TRPC5: variants seen among roughly 807,000 people sequenced by gnomAD.
The protein encoded by TRPC5 is transient receptor potential cation channel subfamily C member 5.
Under a neutral mutation model 56.5 loss-of-function variants are expected in TRPC5, and 9 were observed. That is an observed-to-expected ratio of 0.16 (90% confidence interval 0.10 to 0.28). TRPC5 has a LOEUF of 0.28. TRPC5 is among the 10% of genes least tolerant of loss of function. TRPC5 has a pLI of 1.00. For synonymous variants in TRPC5, 282 were observed against 278.5 expected (o/e 1.01, Z -0.13); for missense variants, 469 against 748.9 (o/e 0.63, Z 4.36).
chrX:111,860,130 A>C (rs577782593), intron 3 of TRPC5, among the ~76,000 whole-genome samples: 46 of 112,214 alleles, frequency 4.1e-4, no homozygotes, highest in African/African-American at 1.2e-3. Context: ...GGATGGTCTG[A>C]ATCTCCTGAC....
At chrX:111,839,452 A>G (rs1299388081) in intron 6 of TRPC5, among the ~76,000 whole-genome samples, 1 of 111,978 alleles carries the variant, frequency 8.9e-6, no homozygotes, top group African/African-American at 3.2e-5. Context: ...TTCAACTTCA[A>G]GTTTTCCTCA....
chrX:111,897,432 C>G (rs1347660728), intron 3 of TRPC5, among the ~76,000 whole-genome samples: 1 of 110,796 alleles, frequency 9.0e-6, no homozygotes, highest in East Asian at 2.8e-4. Flanking sequence ...CTTTAGAGTA[C>G]CATTCAATGA....
chrX:111,789,994 A>G (rs189231727), intron 7 of TRPC5, among the ~76,000 whole-genome samples: 1 of 112,259 alleles, frequency 8.9e-6, no homozygotes, highest in African/African-American at 3.2e-5. Flanking sequence ...TGTGGAAGAC[A>G]GTGTGGCAAT....
intron 1 of TRPC5, among the ~76,000 whole-genome samples, chrX:111,991,070 T>G (rs919841172): frequency 8.9e-6 from 1 of 111,772 alleles, no homozygotes; most frequent in Admixed American, 9.5e-5. Context: ...CTCCCACCAG[T>G]TGTCTGTCTC....
intron 1 of TRPC5, among the ~76,000 whole-genome samples, chrX:112,043,998 T>C (rs1929962767): frequency 8.9e-6 from 1 of 111,848 alleles, no homozygotes; most frequent in Non-Finnish European, 1.9e-5. Flanking sequence ...AAATAACAGA[T>C]TTTTATTTTC....
intron 1 of TRPC5, among the ~76,000 whole-genome samples, chrX:112,016,223 A>T (rs1354884190): frequency 9.0e-6 from 1 of 111,366 alleles, no homozygotes; most frequent in African/African-American, 3.3e-5. Flanking sequence ...AATGACCGGC[A>T]AGGCGGCTCC....
chrX:112,038,305 C>T (rs185618033), intron 1 of TRPC5, among the ~76,000 whole-genome samples: 35 of 112,308 alleles, frequency 3.1e-4, no homozygotes, highest in Admixed American at 1.8e-3. Flanking sequence ...TTCGTTGCCT[C>T]CTTAGGCAGA....
intron 1 of TRPC5, among the ~76,000 whole-genome samples, chrX:111,969,829 T>C (rs1346566950): frequency 9.0e-6 from 1 of 110,851 alleles, no homozygotes; most frequent in Non-Finnish European, 1.9e-5. Flanking sequence ...TGTGACTTGA[T>C]CTTATAGGCA....
intron 1 of TRPC5, among the ~76,000 whole-genome samples, chrX:112,032,868 T>G (rs1929622499): frequency 9.0e-6 from 1 of 111,728 alleles, no homozygotes; most frequent in South Asian, 3.8e-4. Context: ...CTCTAATGAC[T>G]AATGATGATA....
At chrX:112,036,120 C>T (rs1284678678) in intron 1 of TRPC5, among the ~76,000 whole-genome samples, 1 of 111,048 alleles carries the variant, frequency 9.0e-6, no homozygotes, top group Non-Finnish European at 1.9e-5. Flanking sequence ...CTTTTCTGAA[C>T]ATGTGTCCTA....
At chrX:111,820,586 A>G (rs1181823781) in intron 7 of TRPC5, among the ~76,000 whole-genome samples, 2 of 112,155 alleles carry the variant, frequency 1.8e-5, no homozygotes, top group African/African-American at 6.5e-5. Context: ...TCATTTATGT[A>G]CTGCCTATGA....
At chrX:111,936,094 A>G (rs1391050547) in intron 2 of TRPC5, among the ~76,000 whole-genome samples, 1 of 112,020 alleles carries the variant, frequency 8.9e-6, no homozygotes, top group African/African-American at 3.2e-5. Flanking sequence ...ATGAACATGG[A>G]GTATATTTCC....
intron 1 of TRPC5, among the ~76,000 whole-genome samples, chrX:111,979,613 A>G (rs1928024101): frequency 1.8e-5 from 2 of 111,506 alleles, no homozygotes; most frequent in South Asian, 7.4e-4. Context: ...GACTCTTAAA[A>G]CACCCCAAAA....
At chrX:112,043,310 G>A (rs192163862) in intron 1 of TRPC5, among the ~76,000 whole-genome samples, 1 of 111,664 alleles carries the variant, frequency 9.0e-6, no homozygotes, top group Admixed American at 9.5e-5. Context: ...TTAAATGTGC[G>A]GGTTCTTTGA....
At chrX:111,878,698 G>A (rs1294562952) in intron 3 of TRPC5, among the ~76,000 whole-genome samples, 2 of 111,377 alleles carry the variant, frequency 1.8e-5, no homozygotes, top group African/African-American at 6.5e-5. Context: ...TGGGCAGATG[G>A]GTGGGTGGAG....
At chrX:111,853,399 C>T (rs749307214) in intron 4 of TRPC5, among the ~76,000 whole-genome samples, 3 of 111,751 alleles carry the variant, frequency 2.7e-5, no homozygotes, top group Non-Finnish European at 5.6e-5. Flanking sequence ...TGAGCAGATT[C>T]ATGTGCCCCT....
chrX:111,920,434 A>G (rs774941443), intron 2 of TRPC5, among the ~76,000 whole-genome samples: 100 of 111,625 alleles, frequency 9.0e-4, no homozygotes, highest in African/African-American at 2.9e-3. Context: ...CTAACTTAAT[A>G]CAAGTTAACC....
At chrX:111,825,211 CTTTCTTTCTT>C (rs1922183864) in intron 7 of TRPC5, among the ~76,000 whole-genome samples, 2 of 57,058 alleles carry the variant, frequency 3.5e-5, no homozygotes, top group Non-Finnish European at 7.2e-5. Context: ...TTCTTTCTTT[CTTTCTTTCTT>C]CTTTCTTTCT....
chrX:111,993,847 T>TA, intron 1 of TRPC5, among the ~76,000 whole-genome samples: 1 of 112,124 alleles, frequency 8.9e-6, no homozygotes, highest in African/African-American at 3.2e-5. Context: ...TCCCATTCTG[T>TA]GCCGTGCCTG....
Sources: gnomAD v4.1 joint callset for allele counts (sites outside exome capture counted in the v4.1 genomes callset) on GRCh38, gnomAD v4.1.1 for gene constraint, MANE v1.5 for transcripts, NCBI Gene and HGNC (gene_info 2026-07-23, HGNC 2026-07-21) for gene names.